SHISA5: variants seen among roughly 807,000 people sequenced by gnomAD.
SHISA5 encodes shisa family member 5, also known as protein shisa-5.
SHISA5 carries 21 observed loss-of-function variants against 27.5 expected under a neutral mutation model. That is an observed-to-expected ratio of 0.76 (90% CI 0.54 to 1.10). The LOEUF (loss-of-function observed/expected upper bound fraction) is 1.10. Ranked by LOEUF, SHISA5 falls within the 50% of genes least tolerant of loss-of-function variation. The pLI, the probability that SHISA5 is intolerant of heterozygous loss-of-function variation, is 0.00. For missense variants in SHISA5, 314 were observed against 336.3 expected, an observed-to-expected ratio of 0.93 and a Z score of 0.52; for synonymous variants, 137 against 142.2, an observed-to-expected ratio of 0.96 and a Z score of 0.26.
At chr3:48,474,002 CAAAA>C (rs71625877) in intron 3 of SHISA5, among the ~76,000 whole-genome samples, 1 of 70,294 alleles carries the variant, frequency 1.4e-5, no homozygotes. Flanking sequence ...GAATCTGTCT[CAAAA>C]AAAAAAAAAA....
chr3:48,491,594 G>A (rs1011245140), intron 2 of SHISA5, among the ~76,000 whole-genome samples: 1 of 152,090 alleles, frequency 6.6e-6, no homozygotes, highest in African/African-American at 2.4e-5. Flanking sequence ...ATATTTTAGA[G>A]TTTGGCTTTT....
chr3:48,489,311 T>C (rs1249475101), intron 2 of SHISA5, among the ~76,000 whole-genome samples: 3 of 151,500 alleles, frequency 2.0e-5, no homozygotes, highest in African/African-American at 7.3e-5. Context: ...ACACCCCTGC[T>C]ACAGCTATTT....
chr3:48,472,855 A>G (rs766876697), intron 3 of SHISA5, among the ~76,000 whole-genome samples: 1 of 152,210 alleles, frequency 6.6e-6, no homozygotes, highest in Admixed American at 6.5e-5. Flanking sequence ...AGCAGACTAC[A>G]GGTGTCTTCC....
chr3:48,496,513 CT>C (rs1385968774), intron 2 of SHISA5, among the ~76,000 whole-genome samples: 1 of 151,028 alleles, frequency 6.6e-6, no homozygotes. Context: ...GATGGATCAC[CT>C]GAGGTCGGGA....
chr3:48,501,708 T>C (rs954566407), intron 1 of SHISA5, among the ~76,000 whole-genome samples: 1 of 152,112 alleles, frequency 6.6e-6, no homozygotes, highest in Non-Finnish European at 1.5e-5. Flanking sequence ...CACACTCCGC[T>C]CACATTCTTG....
chr3:48,471,213 C>T (rs2040599401), intron 3 of SHISA5, among the ~76,000 whole-genome samples: 1 of 152,080 alleles, frequency 6.6e-6, no homozygotes. Flanking sequence ...AGGGGTCTCA[C>T]TATGTTACCT....
At chr3:48,489,468 C>T (rs1188346076) in intron 2 of SHISA5, among the ~76,000 whole-genome samples, 2 of 151,246 alleles carry the variant, frequency 1.3e-5, no homozygotes, top group Non-Finnish European at 2.9e-5. Context: ...TACAGGCGCC[C>T]GCCACCATGC....
intron 2 of SHISA5, among the ~76,000 whole-genome samples, chr3:48,499,338 C>T (rs559372397): frequency 2.6e-5 from 4 of 151,958 alleles, no homozygotes; most frequent in Admixed American, 6.6e-5. Context: ...CAGCAACCCC[C>T]GGCCCTCTAC....
intron 2 of SHISA5, among the ~76,000 whole-genome samples, chr3:48,481,213 G>C (rs1019323349): frequency 6.6e-6 from 1 of 151,932 alleles, no homozygotes; most frequent in Non-Finnish European, 1.5e-5. Flanking sequence ...GGCCAAGGTG[G>C]GTGGATCATG....
rs9862602 is a variant in SHISA5 at position 48,496,228 on chromosome 3, G to A, written c.233+4909C>T. ...AATCACTTGAACCCGGGAAGCGGAG[G>A]TTGCAGTGAGCCGAGATTGTGCCAC... On this transcript the variant is annotated intron_variant, in intron 2 of 5. Coordinates refer to ENST00000296444, the MANE Select transcript of SHISA5 (RefSeq NM_016479.6). 2.0e-5 allele frequency among the ~76,000 whole-genome samples: 3 copies of A among 150,388 alleles called. No homozygotes were observed. In the South Asian group the frequency reaches 6.3e-4, roughly 31 times the overall value.
In SHISA5 at chr3:48,469,782, T is replaced by C. The variant is rs1253665128; in HGVS notation, c.376A>G (p.Ile126Val). 1.9e-6 allele frequency: 3 copies of C among 1,614,016 alleles called. No homozygotes were observed. The highest frequency in any genetic ancestry group is 2.5e-6 in the Non-Finnish European group (3 of 1,179,980). The change falls in exon 4 of 6, where the codon ATC (isoleucine) becomes GTC (valine). Residue 126 changes from isoleucine to valine, a missense_variant. Physicochemically the swap from Ile to Val is conservative, Grantham distance 29. Coordinates refer to ENST00000296444, the MANE Select transcript of SHISA5 (RefSeq NM_016479.6). The surrounding 1 kb of genome is among the most constrained non-coding windows in gnomAD (Gnocchi z 4.6). ...CAGCAGCAGGAGCAGGTGAAGCAGA[T>C]GATGATAGTGACGACAGACAGCACA... ...IFVLSVVTIIICFTCSCCCLY... is the reference protein window; with the variant it reads ...IFVLSVVTIIVCFTCSCCCLY...
In SHISA5 at chr3:48,486,293, T is replaced by C. The variant is rs1313418102; in HGVS notation, c.234-7036A>G. Among the ~76,000 whole-genome samples the C allele has an allele frequency of 8.1e-4, 80 of 98,208 alleles. 1 individual carries two copies. The highest frequency in any genetic ancestry group is 1.3e-3 in the Non-Finnish European group (74 of 55,844). The allele number at this position is 98,208 out of a possible 152,430, so 64.4% of individuals were successfully genotyped here. ...ATGTTATATAACATATAATGTATTA[T>C]ATATTATATATTATATAATATATAA... On this transcript the variant is annotated intron_variant, in intron 2 of 5. Coordinates refer to ENST00000296444, the MANE Select transcript of SHISA5 (RefSeq NM_016479.6).
At chr3:48,481,742 A>ATTTT (rs1167514676) in intron 2 of SHISA5, among the ~76,000 whole-genome samples, 123 of 151,406 alleles carry the variant, frequency 8.1e-4, no homozygotes, top group African/African-American at 2.7e-3. Flanking sequence ...AGCCAAGATC[A>ATTTT]TGCCATTGCA....
chr3:48,483,470 G>A (rs945707898), intron 2 of SHISA5, among the ~76,000 whole-genome samples: 8 of 152,096 alleles, frequency 5.3e-5, no homozygotes, highest in East Asian at 1.9e-4. Context: ...CAAAATGAAA[G>A]GTCTCCCATG....
At chr3:48,496,729 G>A (rs1045800460) in intron 2 of SHISA5, among the ~76,000 whole-genome samples, 1 of 146,116 alleles carries the variant, frequency 6.8e-6, no homozygotes, top group African/African-American at 2.5e-5. Flanking sequence ...GCTAGACTTC[G>A]TCTCAAAAAA....
chr3:48,487,258 C>T (rs2041279802), intron 2 of SHISA5, among the ~76,000 whole-genome samples: 1 of 151,994 alleles, frequency 6.6e-6, no homozygotes, highest in Admixed American at 6.6e-5. Context: ...TATGGTCTTC[C>T]AATTCATGAG....
chr3:48,499,382 T>A (rs1440286935), intron 2 of SHISA5, among the ~76,000 whole-genome samples: 3 of 150,896 alleles, frequency 2.0e-5, no homozygotes. Context: ...CTCCTGCTTT[T>A]AAAAAAAGAA....
intron 3 of SHISA5, chr3:48,477,058 C>G (rs1029815284): frequency 1.1e-5 from 5 of 452,634 alleles, no homozygotes; most frequent in African/African-American, 6.1e-5. Flanking sequence ...GAGCTTGTTC[C>G]GCACTGTCTC....
At chr3:48,491,447 T>C (rs2041423871) in intron 2 of SHISA5, among the ~76,000 whole-genome samples, 1 of 152,058 alleles carries the variant, frequency 6.6e-6, no homozygotes, top group Admixed American at 6.6e-5. Context: ...ATGTATTTGA[T>C]TGATGTCTCA....
Sources: gnomAD v4.1 joint callset for allele counts (sites outside exome capture counted in the v4.1 genomes callset) on GRCh38, gnomAD v4.1.1 for gene constraint, Gnocchi (gnomAD v3.1) non-coding constraint, MANE v1.5 for transcripts, NCBI Gene and HGNC (gene_info 2026-07-23, HGNC 2026-07-21) for gene names.